The following KCNIP1 variants were observed in gnomAD, a reference collection of about 807,000 sequenced individuals.
The protein encoded by KCNIP1 is A-type potassium channel modulatory protein KCNIP1.
A neutral mutation model predicts 33.0 loss-of-function variants in KCNIP1; 18 were observed. The ratio of observed to expected loss-of-function variants is 0.55; its 90% confidence interval spans 0.38 to 0.81. The LOEUF is 0.81. Ranked by LOEUF, KCNIP1 falls within the 30% of genes least tolerant of loss-of-function variation. The probability of loss-of-function intolerance (pLI) is 0.00; values close to 1 mark genes in which losing one functional copy is unlikely to be tolerated. For synonymous variants in KCNIP1, 93 were observed against 98.3 expected, an observed-to-expected ratio of 0.95 and a Z score of 0.32; for missense variants, 238 against 271.6, an observed-to-expected ratio of 0.88 and a Z score of 0.87.
intron 6 of KCNIP1, 44 bp downstream of exon 6, chr5:170,732,948 A>C: frequency 8.0e-7 from 1 of 1,244,734 alleles, no homozygotes; most frequent in Non-Finnish European, 1.2e-6. Flanking sequence ...CCCAGCCTAG[A>C]TCAAGTCAAC....
chr5:170,555,593 C>T (rs1756817582), intron 1 of KCNIP1, among the ~76,000 whole-genome samples: 4 of 152,172 alleles, frequency 2.6e-5, no homozygotes, highest in South Asian at 2.1e-4. Context: ...GGAGAGCACA[C>T]ATGCCCTCAT....
In KCNIP1 at chr5:170,586,206, A is replaced by G. The variant is rs112381840; in HGVS notation, c.61+81573A>G. The stretch of plus-strand genomic sequence containing the variant: ...TGTTCAATAAACGATGGCTATTATG[A>G]TCATCGATTGCTCTCTGTCACCTGT... On this transcript the variant is annotated intron_variant, in intron 1 of 7. Transcript: ENST00000328939. Among the ~76,000 whole-genome samples, 735 of 152,296 alleles carry G rather than the reference A, an allele frequency of 4.8e-3. 8 individuals carry two copies. Among genetic ancestry groups the G allele is most frequent in the African/African-American group, 0.017 (687 of 41,556 alleles).
intron 4 of KCNIP1, among the ~76,000 whole-genome samples, chr5:170,722,290 T>G (rs1763851994): frequency 6.6e-6 from 1 of 151,994 alleles, no homozygotes; most frequent in Non-Finnish European, 1.5e-5. Flanking sequence ...GATAGAGTAG[T>G]TTTCCCAAGG....
chr5:170,426,247 TCACA>T (rs143211356), intron 1 of KCNIP1, among the ~76,000 whole-genome samples: 10 of 149,162 alleles, frequency 6.7e-5, no homozygotes, highest in African/African-American at 1.2e-4. Context: ...TCAAAAGGAA[TCACA>T]CACACACACA....
At chr5:170,724,446 T>C (rs1763939295) in intron 5 of KCNIP1, among the ~76,000 whole-genome samples, 1 of 152,246 alleles carries the variant, frequency 6.6e-6, no homozygotes, top group South Asian at 2.1e-4. Flanking sequence ...ATGTGAGTTT[T>C]ATTCTAGGAA....
At chr5:170,497,876 C>T (rs1048559493) in intron 1 of KCNIP1, among the ~76,000 whole-genome samples, 3 of 152,234 alleles carry the variant, frequency 2.0e-5, no homozygotes, top group African/African-American at 7.2e-5. Context: ...CTCATCTCAG[C>T]TCTGGTGGAG....
At chr5:170,623,176 C>A (rs1037342326) in intron 1 of KCNIP1, among the ~76,000 whole-genome samples, 3 of 152,086 alleles carry the variant, frequency 2.0e-5, no homozygotes, top group African/African-American at 7.2e-5. Context: ...AGGCCACAGA[C>A]CCATCCGTGG....
At chr5:170,697,357 G>A (rs1322952391) in intron 1 of KCNIP1, among the ~76,000 whole-genome samples, 6 of 152,156 alleles carry the variant, frequency 3.9e-5, no homozygotes, top group African/African-American at 1.4e-4. Context: ...CACCTGTCCT[G>A]TTCATCACTG....
chr5:170,420,320 T>C (rs1755448271), intron 1 of KCNIP1: 2 of 152,188 alleles, frequency 1.3e-5, no homozygotes, highest in African/African-American at 2.4e-5. Flanking sequence ...CCACTTTCAC[T>C]TAATAAATAG....
At chr5:170,461,749 C>CA (rs61705618) in intron 1 of KCNIP1, among the ~76,000 whole-genome samples, 10 of 142,138 alleles carry the variant, frequency 7.0e-5, no homozygotes, top group South Asian at 4.6e-4. Flanking sequence ...GACTCCATCT[C>CA]AAAAAAAAAA....
chr5:170,638,766 G>A (rs1760400901), intron 1 of KCNIP1, among the ~76,000 whole-genome samples: 1 of 152,212 alleles, frequency 6.6e-6, no homozygotes, highest in African/African-American at 2.4e-5. Flanking sequence ...AACAAGTCAT[G>A]TGGCCATTGC....
chr5:170,371,950 C>A (rs1174988123), intron 1 of KCNIP1, among the ~76,000 whole-genome samples: 1 of 152,122 alleles, frequency 6.6e-6, no homozygotes, highest in East Asian at 1.9e-4. Flanking sequence ...GTTTGGACAC[C>A]AACTGGGTGT....
At chr5:170,480,476 ATTTTT>A (rs11428676) in intron 1 of KCNIP1, among the ~76,000 whole-genome samples, 1 of 137,964 alleles carries the variant, frequency 7.2e-6, no homozygotes, top group African/African-American at 2.7e-5. Flanking sequence ...GAGACTAGGG[ATTTTT>A]TTTTTTTTTT....
At chr5:170,516,218 C>T (rs1317333957) in intron 1 of KCNIP1, among the ~76,000 whole-genome samples, 1 of 152,162 alleles carries the variant, frequency 6.6e-6, no homozygotes, top group Non-Finnish European at 1.5e-5. Flanking sequence ...CACCCTTGTC[C>T]CCCTAAGTGT....
intron 1 of KCNIP1, among the ~76,000 whole-genome samples, chr5:170,647,596 A>G (rs1262921603): frequency 6.6e-6 from 1 of 152,044 alleles, no homozygotes; most frequent in Non-Finnish European, 1.5e-5. Flanking sequence ...GAGTCCACAC[A>G]CAAACCTTGC....
chr5:170,355,750 C>T (rs1763330276), intron 1 of KCNIP1, among the ~76,000 whole-genome samples: 1 of 152,214 alleles, frequency 6.6e-6, no homozygotes, highest in Admixed American at 6.5e-5. Context: ...GTCAGAATGC[C>T]TCCCTCTCTC....
chr5:170,486,200 C>T (rs1757091155), intron 1 of KCNIP1: 1 of 152,198 alleles, frequency 6.6e-6, no homozygotes, highest in African/African-American at 2.4e-5. Flanking sequence ...GTGATCCTAA[C>T]ACAGCCGGAG....
At chr5:170,577,159 C>T (rs1757630512) in intron 1 of KCNIP1, among the ~76,000 whole-genome samples, 1 of 152,214 alleles carries the variant, frequency 6.6e-6, no homozygotes, top group Admixed American at 6.5e-5. Context: ...AGTGTTAGTA[C>T]ATCAGATCCC....
intron 1 of KCNIP1, among the ~76,000 whole-genome samples, chr5:170,482,056 G>A (rs1387991912): frequency 6.6e-6 from 1 of 152,334 alleles, no homozygotes; most frequent in Admixed American, 6.5e-5. Context: ...GTTGGCTGTG[G>A]TTACGGGATG....
Sources: allele counts gnomAD v4.1 joint callset (sites outside exome capture counted in the v4.1 genomes callset), GRCh38; gene constraint gnomAD v4.1.1; transcripts MANE v1.5; gene names NCBI Gene and HGNC (gene_info 2026-07-23, HGNC 2026-07-21).